The following CHODL variants were observed in gnomAD, a reference collection of about 807,000 sequenced individuals.
CHODL encodes the protein chondrolectin, also known as transmembrane protein MT75.
CHODL carries 29 observed loss-of-function variants against 34.5 expected under a neutral mutation model. That is an observed-to-expected ratio of 0.84 (90% CI 0.63 to 1.15). The LOEUF (loss-of-function observed/expected upper bound fraction) is 1.15. CHODL is among the 50% of genes most tolerant of loss of function. The pLI is 0.00. For synonymous variants in CHODL, 125 were observed against 116.1 expected (o/e 1.08, Z -0.49); for missense variants, 332 against 332.5 (o/e 1.00, Z 0.01).
At chr21:18,143,885 TATTC>T (rs1405886276) in intron 2 of CHODL, among the ~76,000 whole-genome samples, 5 of 152,164 alleles carry the variant, frequency 3.3e-5, no homozygotes, top group African/African-American at 9.6e-5. Flanking sequence ...ATTCGACATT[TATTC>T]AATATAATTG....
intron 1 of CHODL, among the ~76,000 whole-genome samples, chr21:17,957,907 C>T (rs1438085456): frequency 2.6e-5 from 4 of 151,198 alleles, no homozygotes; most frequent in Non-Finnish European, 5.9e-5. Flanking sequence ...TATAAATACC[C>T]CTCAGAACTG....
intron 2 of CHODL, among the ~76,000 whole-genome samples, chr21:18,174,731 G>A (rs1344060475): frequency 1.3e-5 from 2 of 152,150 alleles, no homozygotes; most frequent in East Asian, 3.9e-4. Context: ...GAGCTTGTTT[G>A]TCAGGCCTGG....
At chr21:17,976,985 C>A (rs1172366815) in intron 1 of CHODL, among the ~76,000 whole-genome samples, 6 of 152,170 alleles carry the variant, frequency 3.9e-5, no homozygotes, top group Non-Finnish European at 8.8e-5. Context: ...CTGCAGCCAA[C>A]TAGCCACACT....
intron 1 of CHODL, among the ~76,000 whole-genome samples, chr21:18,024,250 C>T (rs750853161): frequency 2.0e-5 from 3 of 152,058 alleles, no homozygotes; most frequent in African/African-American, 7.2e-5. Context: ...ATAATAAAGA[C>T]GAGGTCTCAC....
At chr21:18,155,637 A>G (rs960776952) in intron 2 of CHODL, among the ~76,000 whole-genome samples, 2 of 152,206 alleles carry the variant, frequency 1.3e-5, no homozygotes, top group Non-Finnish European at 2.9e-5. Context: ...TGGTAGAAAT[A>G]CAAGGCCATT....
At chr21:17,923,383 A>T (rs181226663) in intron 1 of CHODL, among the ~76,000 whole-genome samples, 180 of 130,018 alleles carry the variant, frequency 1.4e-3, no homozygotes, top group African/African-American at 3.6e-3. Context: ...AAAATAAATT[A>T]AAAAAAGTAA....
At position 18,171,307 on chromosome 21, in the gene CHODL, C is replaced by T. The variant is rs2073228101; in HGVS notation, c.-44-85202C>T. 2.8e-5 allele frequency among the ~76,000 whole-genome samples: 4 copies of T among 142,858 alleles called. No homozygotes were observed. In the Admixed American group the frequency reaches 3.0e-4, roughly 11 times the overall value. 93.7% of individuals were successfully genotyped at this position (142,858 alleles called of 152,430 possible). On this transcript the variant is annotated intron_variant, in intron 2 of 6. Transcript: ENST00000400127. ...CTGCAAGCTCCGCCTCCCGGGTTCA[C>T]GCCATTCTCCTGCCTCAGCCTCCCG... is the stretch of plus-strand genomic sequence containing the variant.
At chr21:18,014,687 C>T (rs1000095924) in intron 1 of CHODL, among the ~76,000 whole-genome samples, 2 of 152,168 alleles carry the variant, frequency 1.3e-5, no homozygotes, top group Non-Finnish European at 2.9e-5. Flanking sequence ...TACTCTCTCT[C>T]GTTCCTGCTC....
At chr21:18,079,738 A>T (rs2064914543) in intron 2 of CHODL, among the ~76,000 whole-genome samples, 1 of 105,956 alleles carries the variant, frequency 9.4e-6, no homozygotes, top group Non-Finnish European at 2.5e-5. Flanking sequence ...TATCTTTCTG[A>T]TGTAATAATA....
Position 18,244,993 on chromosome 21 carries a change from AC to A in CHODL, c.-228del. 1 of 456,614 alleles carries A rather than the reference AC, an allele frequency of 2.2e-6. No individual in the cohort carries two copies. The highest frequency in any genetic ancestry group is 3.8e-6 in the Non-Finnish European group (1 of 260,802). 28.3% of individuals were successfully genotyped at this position (456,614 alleles called of 1,614,324 possible). ...CCTAACTTCAGTCCCCCAAACGCGC[AC>A]CCTCGAAGTCTTGAACTCCAGCCCC... is the stretch of plus-strand genomic sequence containing the variant. On this transcript the variant is annotated 5_prime_UTR_variant, in exon 1 of 6. Transcript: ENST00000299295.
At chr21:17,958,381 C>A (rs906072954) in intron 1 of CHODL, among the ~76,000 whole-genome samples, 1 of 152,122 alleles carries the variant, frequency 6.6e-6, no homozygotes, top group African/African-American at 2.4e-5. Flanking sequence ...TAGGGTCAGA[C>A]CATTGCCAAA....
intron 1 of CHODL, among the ~76,000 whole-genome samples, chr21:17,978,673 A>G (rs1274845602): frequency 2.6e-5 from 4 of 151,346 alleles, no homozygotes; most frequent in East Asian, 2.0e-4. Flanking sequence ...AGCCGAGATC[A>G]TGCCACTGCC....
chr21:18,206,098 G>T (rs1568936777), intron 2 of CHODL, among the ~76,000 whole-genome samples: 1 of 152,166 alleles, frequency 6.6e-6, no homozygotes, highest in Non-Finnish European at 1.5e-5. Context: ...AGAGAAAAAT[G>T]TGTAACCTGG....
intron 2 of CHODL, chr21:18,034,535 G>A (rs2064287120): frequency 6.6e-6 from 1 of 152,020 alleles, no homozygotes; most frequent in Non-Finnish European, 1.5e-5. Context: ...TTTTCTTCAT[G>A]TCATGGAGTT....
chr21:17,925,982 T>C (rs2063219177), intron 1 of CHODL, among the ~76,000 whole-genome samples: 1 of 152,234 alleles, frequency 6.6e-6, no homozygotes, highest in African/African-American at 2.4e-5. Context: ...AAACTTATTT[T>C]AATTTGTGGT....
intron 1 of CHODL, among the ~76,000 whole-genome samples, chr21:17,945,042 C>G (rs1404332606): frequency 7.1e-6 from 1 of 140,046 alleles, no homozygotes; most frequent in Non-Finnish European, 1.6e-5. Context: ...AACCCCGTCT[C>G]TACTAAAAAT....
rs141851077 is a variant in CHODL at position 17,989,197 on chromosome 21, G to A, written c.-144-38675G>A. 2.7e-3 allele frequency among the ~76,000 whole-genome samples: 410 copies of A among 152,238 alleles called. 1 individual carries two copies. Among genetic ancestry groups the A allele is most frequent in the African/African-American group, 8.9e-3 (369 of 41,550 alleles). ...TTCTGGATCCCTGAACAAGATATAGGCAAAGACTGGATGCAGAATACTGTT... is the reference window on the plus strand; with the variant it reads ...TTCTGGATCCCTGAACAAGATATAGACAAAGACTGGATGCAGAATACTGTT... On this transcript the variant is annotated intron_variant, in intron 1 of 6. Coordinates refer to the CHODL transcript ENST00000400127.
intron 1 of CHODL, among the ~76,000 whole-genome samples, chr21:17,955,899 G>A (rs1421768066): frequency 2.2e-5 from 3 of 136,630 alleles, no homozygotes; most frequent in Admixed American, 1.4e-4. Context: ...AAACAAGGAT[G>A]TCTCAGAAAA....
rs1273385994 is a variant in CHODL, at chr21:18,028,306, C to CCTTG, written c.-45+338_-45+339insGCTT. Among the ~76,000 whole-genome samples the CCTTG allele has an allele frequency of 5.0e-3, 706 of 140,552 alleles. 34 individuals carry two copies. The highest frequency in any genetic ancestry group is 0.016 in the African/African-American group (608 of 37,658). The allele number at this position is 140,552 out of a possible 152,430, so 92.2% of individuals were successfully genotyped here. A position where few individuals can be genotyped will look rare whatever the true frequency, so the allele number is the denominator to read the frequency against. ...TCCTTCCTTCCTTCCTTCCTTCCTT[C>CCTTG]CTTCCTTCCTTCCTTCCTTCCTTCC... On this transcript the variant is annotated intron_variant, in intron 2 of 6. Coordinates refer to the CHODL transcript ENST00000400127.
Sources: gnomAD v4.1 joint callset for allele counts (sites outside exome capture counted in the v4.1 genomes callset) on GRCh38, gnomAD v4.1.1 for gene constraint, MANE v1.5 for transcripts, NCBI Gene and HGNC (gene_info 2026-07-23, HGNC 2026-07-21) for gene names.